FAM135B: variants seen among roughly 807,000 people sequenced by gnomAD.
FAM135B encodes family with sequence similarity 135 member B, also known as protein FAM135B.
A neutral mutation model predicts 127.7 loss-of-function variants in FAM135B; 43 were observed. The observed-to-expected ratio is 0.34, with a 90% confidence interval of 0.26 to 0.43. The LOEUF is 0.43. Ranked by LOEUF, FAM135B falls within the 20% of genes least tolerant of loss-of-function variation. The probability of loss-of-function intolerance (pLI) is 1.00; values close to 1 mark genes in which losing one functional copy is unlikely to be tolerated. For missense variants in FAM135B, 1,558 were observed against 1,725.6 expected (o/e 0.90, Z 1.72); for synonymous variants, 670 against 665.1 (o/e 1.01, Z -0.11).
intron 7 of FAM135B, among the ~76,000 whole-genome samples, chr8:138,230,136 G>T (rs1310998894): frequency 6.6e-6 from 1 of 152,110 alleles, no homozygotes; most frequent in Admixed American, 6.5e-5. Context: ...CTCAGAAATG[G>T]GTCTTCAATT....
intron 7 of FAM135B, among the ~76,000 whole-genome samples, chr8:138,233,312 T>C (rs1158622074): frequency 6.6e-6 from 1 of 152,178 alleles, no homozygotes; most frequent in Non-Finnish European, 1.5e-5. Context: ...TTTATGCCAC[T>C]CATACCTCAA....
intron 9 of FAM135B, among the ~76,000 whole-genome samples, chr8:138,182,541 G>A (rs1223524002): frequency 1.3e-5 from 2 of 152,140 alleles, no homozygotes; most frequent in Non-Finnish European, 2.9e-5. Context: ...GCGGTGTGCC[G>A]AGCTCTGGGG....
chr8:138,217,360 T>A (rs1048076095), intron 7 of FAM135B, among the ~76,000 whole-genome samples: 2 of 150,730 alleles, frequency 1.3e-5, no homozygotes, highest in Non-Finnish European at 2.9e-5. Flanking sequence ...TTGTTCTCTG[T>A]AAGATGGGAA....
intron 1 of FAM135B, among the ~76,000 whole-genome samples, chr8:138,470,931 T>C (rs1431110110): frequency 3.3e-5 from 5 of 152,248 alleles, no homozygotes; most frequent in Admixed American, 2.0e-4. Flanking sequence ...TTTCTCTCTG[T>C]GCTCCAATGA....
intron 1 of FAM135B, among the ~76,000 whole-genome samples, chr8:138,446,684 C>A (rs532607511): frequency 5.3e-5 from 8 of 151,816 alleles, no homozygotes; most frequent in African/African-American, 1.5e-4. Context: ...ACATGTTAGA[C>A]CTAAAACCAT....
chr8:138,428,348 A>G (rs1250916709), intron 1 of FAM135B, among the ~76,000 whole-genome samples: 2 of 152,254 alleles, frequency 1.3e-5, no homozygotes, highest in East Asian at 3.9e-4. Flanking sequence ...TATCTTAGCT[A>G]GTAATTGACT....
chr8:138,156,445 C>G (rs890085666), intron 12 of FAM135B, among the ~76,000 whole-genome samples: 2 of 152,046 alleles, frequency 1.3e-5, no homozygotes, highest in African/African-American at 2.4e-5. Flanking sequence ...TAAGTAAGAT[C>G]AGAGCAGAAC....
At position 138,190,327 on chromosome 8, in the gene FAM135B, T is replaced by C. The variant is rs975380836; in HGVS notation, c.873+4931A>G. 3.3e-5 allele frequency among the ~76,000 whole-genome samples: 5 copies of C among 152,158 alleles called. No homozygotes were observed. The East Asian group carries it at 9.6e-4, about 29-fold the overall frequency. ...CAAACCTGAAGCACTAGTCAGGCCA[T>C]GATAGGAATGGTTGGCTGGACATGC... On this transcript the variant is annotated intron_variant, in intron 9 of 19. Coordinates refer to ENST00000395297, the MANE Select transcript of FAM135B (RefSeq NM_015912.4).
At chr8:138,337,461 A>G (rs1828690421) in intron 2 of FAM135B, among the ~76,000 whole-genome samples, 1 of 151,658 alleles carries the variant, frequency 6.6e-6, no homozygotes, top group Non-Finnish European at 1.5e-5. Flanking sequence ...TTATACACCA[A>G]TAGCAGACAA....
chr8:138,346,327 T>C (rs978730853), intron 2 of FAM135B, among the ~76,000 whole-genome samples: 22 of 152,148 alleles, frequency 1.4e-4, no homozygotes, highest in African/African-American at 5.1e-4. Context: ...ATATAAATCA[T>C]TCTATTATAA....
intron 3 of FAM135B, among the ~76,000 whole-genome samples, chr8:138,288,392 T>C (rs2130782895): frequency 6.6e-6 from 1 of 152,186 alleles, no homozygotes; most frequent in East Asian, 1.9e-4. Flanking sequence ...CTTGGGGATA[T>C]CCGGGGTGCT....
chr8:138,446,987 G>A (rs1331596012), intron 1 of FAM135B, among the ~76,000 whole-genome samples: 3 of 152,230 alleles, frequency 2.0e-5, no homozygotes, highest in Non-Finnish European at 4.4e-5. Flanking sequence ...ATCAAAAAGT[G>A]GGCGAAGGAT....
At chr8:138,471,482 C>T (rs1387175623) in intron 1 of FAM135B, among the ~76,000 whole-genome samples, 1 of 152,054 alleles carries the variant, frequency 6.6e-6, no homozygotes, top group Non-Finnish European at 1.5e-5. Context: ...TAAGGTGACA[C>T]AGGCATATAT....
At position 138,137,070 on chromosome 8, in the gene FAM135B, A is replaced by G. The variant is rs1816724107; in HGVS notation, c.4015+77T>C. 3 of 794,124 alleles carry G rather than the reference A, an allele frequency of 3.8e-6. No homozygotes were observed. The African/African-American group carries it at 5.0e-5, about 13-fold the overall frequency. 49.2% of individuals were successfully genotyped at this position (794,124 alleles called of 1,614,324 possible). A position where few individuals can be genotyped will look rare whatever the true frequency, so the allele number is the denominator to read the frequency against. On this transcript the variant is annotated intron_variant, in intron 19 of 19. Transcript: ENST00000395297. ...TAAACCTATAGCCCAGGTGTTCCCA[A>G]TAGGCAGTCAATTCCATGAATTTAC...
At chr8:138,403,149 T>C (rs534112231) in intron 1 of FAM135B, among the ~76,000 whole-genome samples, 265 of 152,286 alleles carry the variant, frequency 1.7e-3, no homozygotes, top group African/African-American at 6.0e-3. Flanking sequence ...TGAACTAAAA[T>C]GAGAAAATAT....
intron 3 of FAM135B, among the ~76,000 whole-genome samples, chr8:138,268,691 G>A (rs930785322): frequency 2.0e-5 from 3 of 152,108 alleles, no homozygotes; most frequent in African/African-American, 4.8e-5. Flanking sequence ...TCAGCACCCA[G>A]AGACAGCAAA....
intron 1 of FAM135B, among the ~76,000 whole-genome samples, chr8:138,464,234 G>T (rs17725200): frequency 6.6e-6 from 1 of 152,082 alleles, no homozygotes; most frequent in Non-Finnish European, 1.5e-5. Context: ...ATGTCAGCCC[G>T]ATGGATACAC....
intron 7 of FAM135B, among the ~76,000 whole-genome samples, chr8:138,227,800 C>T (rs1318267967): frequency 7.2e-6 from 1 of 139,108 alleles, no homozygotes; most frequent in Non-Finnish European, 1.5e-5. Flanking sequence ...GCTCTCTCAA[C>T]AAATTTTTAA....
rs1268461277 is a variant in FAM135B, at chr8:138,448,288, T to C, written c.-20+48383A>G. Among the ~76,000 whole-genome samples, 8 of 152,146 alleles carry C rather than the reference T, an allele frequency of 5.3e-5. No individual in the cohort carries two copies. In the South Asian group the frequency reaches 1.5e-3, roughly 28 times the overall value. ...TGGATGAGATGCACATTTGCACTGG[T>C]GGACTGAGTAAAGCAGATTGCCCTC... On this transcript the variant is annotated intron_variant, in intron 1 of 19. Coordinates refer to ENST00000395297, the MANE Select transcript of FAM135B (RefSeq NM_015912.4).
Sources: allele counts gnomAD v4.1 joint callset (sites outside exome capture counted in the v4.1 genomes callset), GRCh38; gene constraint gnomAD v4.1.1; transcripts MANE v1.5; gene names NCBI Gene and HGNC (gene_info 2026-07-23, HGNC 2026-07-21).